Variants in NAA11 observed in about 807,000 individuals in gnomAD.
NAA11 encodes N-alpha-acetyltransferase 11, NatA catalytic subunit.
NAA11 carries 15 observed loss-of-function variants against 16.1 expected under a neutral mutation model. That is an observed-to-expected ratio of 0.93 (90% CI 0.62 to 1.44). The LOEUF (loss-of-function observed/expected upper bound fraction) is 1.44, where lower values mean the gene tolerates loss of function less well. Among genes scored for constraint, NAA11 ranks in the 40% most tolerant of loss-of-function variants. The pLI, the probability that NAA11 is intolerant of heterozygous loss-of-function variation, is 0.00. For synonymous variants in NAA11, 122 were observed against 112.4 expected, an observed-to-expected ratio of 1.09 and a Z score of -0.54; for missense variants, 298 against 291.3, an observed-to-expected ratio of 1.02 and a Z score of -0.17.
At chr4:79,264,896 T>A (rs1455728992) in intron 2 of NAA11, among the ~76,000 whole-genome samples, 1 of 152,214 alleles carries the variant, frequency 6.6e-6, no homozygotes, top group Non-Finnish European at 1.5e-5. Flanking sequence ...ACTTCTTTAT[T>A]ATTGCTAGAT....
chr4:79,282,069 T>C (rs1252461733), intron 2 of NAA11, among the ~76,000 whole-genome samples: 1 of 152,096 alleles, frequency 6.6e-6, no homozygotes, highest in Admixed American at 6.6e-5. Context: ...TGATGGGAAT[T>C]AACCAACCTT....
At chr4:79,258,577 G>C (rs7670276) in intron 2 of NAA11, among the ~76,000 whole-genome samples, 105,579 of 152,112 alleles carry the variant, frequency 0.69, 38,660 homozygotes, top group East Asian at 0.89. Context: ...GAAGCTGATG[G>C]AGGAACTGAG....
downstream of NAA11, among the ~76,000 whole-genome samples, chr4:79,224,318 A>C (rs1356972047): frequency 6.6e-6 from 1 of 152,084 alleles, no homozygotes; most frequent in Non-Finnish European, 1.5e-5. Flanking sequence ...AATCTCAAAA[A>C]TCTTCAGTAT....
chr4:79,156,352 GAT>G, the NAA11 span, among the ~76,000 whole-genome samples: 1 of 151,378 alleles, frequency 6.6e-6, no homozygotes, highest in Non-Finnish European at 1.5e-5. Context: ...TTCATATAGG[GAT>G]ATATATATTT....
At position 79,276,400 on chromosome 4, in the gene NAA11, C is replaced by A. The variant is rs574056028; in HGVS notation, c.*122+17605G>T. ...CTACAGCCTGGAGTAATAAGTCTTA[C>A]CAAGCTCTCTCTCTGCTATATCCCG... On this transcript the variant is annotated intron_variant and NMD_transcript_variant, in intron 2 of 2. Transcript: ENST00000511542. 7.6e-4 allele frequency among the ~76,000 whole-genome samples: 115 copies of A among 152,214 alleles called. 1 individual carries two copies. Among genetic ancestry groups the A allele is most frequent in the African/African-American group, 2.6e-3 (110 of 41,558 alleles).
chr4:79,272,519 A>C (rs1021399639), intron 2 of NAA11, among the ~76,000 whole-genome samples: 1 of 152,060 alleles, frequency 6.6e-6, no homozygotes, highest in African/African-American at 2.4e-5. Context: ...AATGAGACAC[A>C]GATTTAGAGG....
chr4:79,274,088 G>A (rs956395649), intron 2 of NAA11, among the ~76,000 whole-genome samples: 1 of 152,094 alleles, frequency 6.6e-6, no homozygotes. Flanking sequence ...ACCAGGTGGG[G>A]TGTGTTATCT....
At chr4:79,198,655 G>A in the NAA11 span, among the ~76,000 whole-genome samples, 1 of 151,740 alleles carries the variant, frequency 6.6e-6, no homozygotes, top group South Asian at 2.1e-4. Context: ...AGAGAACAGC[G>A]ACATTTTCCA....
At chr4:79,168,028 AC>A in the NAA11 span, among the ~76,000 whole-genome samples, 1 of 150,208 alleles carries the variant, frequency 6.7e-6, no homozygotes, top group East Asian at 2.0e-4. Flanking sequence ...CTAGCCCCCT[AC>A]CCCCCAACAG....
the NAA11 span, among the ~76,000 whole-genome samples, chr4:79,155,451 C>T: frequency 6.6e-6 from 1 of 152,122 alleles, no homozygotes; most frequent in African/African-American, 2.4e-5. Flanking sequence ...TGAAGCTTTC[C>T]TTATCTAATG....
chr4:79,195,156 T>C, the NAA11 span, among the ~76,000 whole-genome samples: 5 of 152,102 alleles, frequency 3.3e-5, no homozygotes, highest in Non-Finnish European at 7.4e-5. Context: ...ATAATGTTAA[T>C]GGGCAATTAG....
At chr4:79,267,569 ATCT>A (rs1435225905) in intron 2 of NAA11, among the ~76,000 whole-genome samples, 1 of 152,122 alleles carries the variant, frequency 6.6e-6, no homozygotes, top group Non-Finnish European at 1.5e-5. Flanking sequence ...CCCAGGTAAA[ATCT>A]TCTTTACAAT....
At chr4:79,164,839 T>C in the NAA11 span, among the ~76,000 whole-genome samples, 1 of 152,188 alleles carries the variant, frequency 6.6e-6, no homozygotes, top group African/African-American at 2.4e-5. Flanking sequence ...AGATTAGCAA[T>C]GGCATCTCGT....
At chr4:79,268,091 G>A (rs1203482358) in intron 2 of NAA11, among the ~76,000 whole-genome samples, 1 of 151,932 alleles carries the variant, frequency 6.6e-6, no homozygotes, top group Non-Finnish European at 1.5e-5. Flanking sequence ...AATGGAAAAG[G>A]GAAATTTCAA....
intron 2 of NAA11, among the ~76,000 whole-genome samples, chr4:79,256,649 TAA>T (rs1491432810): frequency 9.1e-5 from 9 of 99,286 alleles, no homozygotes; most frequent in Non-Finnish European, 1.5e-4. Flanking sequence ...TATATAAATA[TAA>T]ATATATATAT....
At chr4:79,290,196 C>T (rs1027889383) in intron 2 of NAA11, among the ~76,000 whole-genome samples, 8 of 152,096 alleles carry the variant, frequency 5.3e-5, no homozygotes, top group African/African-American at 1.9e-4. Flanking sequence ...CCAGGAGCCT[C>T]TCTAGTGGGA....
intron 2 of NAA11, among the ~76,000 whole-genome samples, chr4:79,235,239 C>T (rs971424511): frequency 3.3e-5 from 5 of 152,034 alleles, no homozygotes; most frequent in Admixed American, 2.6e-4. Context: ...GAGTTGAGAG[C>T]ACCCACAGGA....
At chr4:79,279,423 A>G (rs1722737082) in intron 2 of NAA11, among the ~76,000 whole-genome samples, 2 of 152,242 alleles carry the variant, frequency 1.3e-5, no homozygotes, top group South Asian at 4.1e-4. Context: ...GTGCTCTGCT[A>G]AACACAACTA....
At chr4:79,286,931 T>G (rs188212317) in intron 2 of NAA11, among the ~76,000 whole-genome samples, 1 of 152,206 alleles carries the variant, frequency 6.6e-6, no homozygotes, top group African/African-American at 2.4e-5. Flanking sequence ...GGAATACATG[T>G]TGCTACAAAA....
Sources: gnomAD v4.1 joint callset for allele counts (sites outside exome capture counted in the v4.1 genomes callset) on GRCh38, gnomAD v4.1.1 for gene constraint, MANE v1.5 for transcripts, NCBI Gene and HGNC (gene_info 2026-07-23, HGNC 2026-07-21) for gene names.